Variants in CR1 observed in about 807,000 individuals in gnomAD.
CR1 encodes complement C3b/C4b receptor 1 (Knops blood group), also known as complement receptor type 1.
In CR1, 116 loss-of-function variants were observed where a neutral mutation model predicts 187.3. The ratio of observed to expected loss-of-function variants is 0.62; its 90% CI spans 0.53 to 0.72. The LOEUF is 0.72. Ranked by LOEUF, CR1 falls within the 30% of genes least tolerant of loss-of-function variation. The pLI is 0.00. For synonymous variants in CR1, 576 were observed against 747.1 expected (o/e 0.77, Z 3.73); for missense variants, 1,731 against 2,110.7 (o/e 0.82, Z 3.52).
At chr1:207,508,006 C>A (rs768576914) in intron 3 of CR1, among the ~76,000 whole-genome samples, 16 of 152,158 alleles carry the variant, frequency 1.1e-4, no homozygotes, top group South Asian at 4.1e-4. Context: ...AAATAGTGAA[C>A]CTTTTTTCAC....
chr1:207,609,337 A>G lies in CR1; in HGVS notation c.5944A>G (p.Ser1982Gly), dbSNP rs189863730. 428 of 1,614,006 alleles carry G rather than the reference A, an allele frequency of 2.7e-4. No individual in the cohort carries two copies. The Middle Eastern group carries it at 8.7e-3, about 33-fold the overall frequency. ...AACCATATCCAATGGAGACTTCTAC[A>G]GCAACAATAGAACATCTTTTCACAA... ...PPTISNGDFY[S>G]NNRTSFHNGT... The change falls in exon 37 of 47, where the codon AGC (serine) becomes GGC (glycine). Residue 1982 changes from serine to glycine, a missense_variant. By Grantham distance (56) the Ser-to-Gly change is moderately conservative (BLOSUM62 0). This residue lies in a region of CR1 where 1,312 missense variants were observed against 1,379.6 expected (regional missense o/e 0.95). Transcript: ENST00000367049.
chr1:207,556,678 T>TATATATATCA (rs1660356446), intron 19 of CR1, among the ~76,000 whole-genome samples: 1 of 64,330 alleles, frequency 1.6e-5, no homozygotes, highest in Non-Finnish European at 3.4e-5. Context: ...TATATATATA[T>TATATATATCA]ATCACAATGA....
chr1:207,621,653 A>G (rs1342540643), intron 43 of CR1, among the ~76,000 whole-genome samples: 4 of 152,230 alleles, frequency 2.6e-5, no homozygotes, highest in Non-Finnish European at 5.9e-5. Flanking sequence ...TAATTATGTG[A>G]AAACACACAT....
intron 46 of CR1, among the ~76,000 whole-genome samples, chr1:207,634,502 G>A (rs1254841425): frequency 6.6e-6 from 1 of 152,128 alleles, no homozygotes; most frequent in African/African-American, 2.4e-5. Context: ...CAAAGACATA[G>A]CTGTGTGTTG....
At chr1:207,597,389 GC>G (rs1661479430) in intron 35 of CR1, among the ~76,000 whole-genome samples, 1 of 152,050 alleles carries the variant, frequency 6.6e-6, no homozygotes, top group African/African-American at 2.4e-5. Flanking sequence ...AATCAAGGAG[GC>G]ACAAGACCTG....
chr1:207,622,616 C>T (rs1490011039), intron 44 of CR1, among the ~76,000 whole-genome samples: 2 of 152,136 alleles, frequency 1.3e-5, no homozygotes, highest in African/African-American at 4.8e-5. Flanking sequence ...ACAAAATGAC[C>T]TAAATATGTA....
At chr1:207,519,312 AAAT>A (rs1444610836) in intron 4 of CR1, among the ~76,000 whole-genome samples, 5 of 151,952 alleles carry the variant, frequency 3.3e-5, no homozygotes, top group Admixed American at 3.3e-4. Flanking sequence ...TAAAAATTAA[AAAT>A]AAATAAATTT....
chr1:207,615,232 C>T (rs1662058364), intron 40 of CR1, among the ~76,000 whole-genome samples: 1 of 152,114 alleles, frequency 6.6e-6, no homozygotes, highest in Non-Finnish European at 1.5e-5. Context: ...GTAGAAAAAG[C>T]AATGAATAGT....
chr1:207,587,925 A>C lies in CR1; in HGVS notation c.5710+360A>C, dbSNP rs188151322. On this transcript the variant is annotated intron_variant, in intron 34 of 46. Transcript: ENST00000367049. Reference sequence around the variant, plus strand: ...ATTTCATGAGAATGGCTCTCACAAAAGAATTAGAGAGAAAATTTACATTCA... The same window carrying C: ...ATTTCATGAGAATGGCTCTCACAAACGAATTAGAGAGAAAATTTACATTCA... Among the ~76,000 whole-genome samples, 24 of 152,342 alleles carry C rather than the reference A, an allele frequency of 1.6e-4. No homozygotes were observed. In the East Asian group the frequency reaches 2.1e-3, roughly 13 times the overall value.
chr1:207,594,370 G>A (rs145924649), intron 35 of CR1, among the ~76,000 whole-genome samples: 2,113 of 152,146 alleles, frequency 0.014, 35 homozygotes, highest in African/African-American at 0.048. Context: ...ACCAACCACC[G>A]CATGTTCTCA....
rs151110404 is a variant in CR1, at chr1:207,518,656, T to C, written c.488-4955T>C. Among the ~76,000 whole-genome samples, 788 of 152,300 alleles carry C rather than the reference T, an allele frequency of 5.2e-3. 6 individuals carry two copies. The highest frequency in any genetic ancestry group is 6.0e-3 in the Non-Finnish European group (406 of 68,028). ...CAGTGGCTGCTGGCAATCGTTGATGTTCCTTGGCTTGTAGATGCATCATTT... is the reference window on the plus strand; with the variant it reads ...CAGTGGCTGCTGGCAATCGTTGATGCTCCTTGGCTTGTAGATGCATCATTT... On this transcript the variant is annotated intron_variant, in intron 4 of 46. Transcript: ENST00000367049.
chr1:207,512,468 T>G (rs1427614741), intron 4 of CR1, among the ~76,000 whole-genome samples: 2 of 152,224 alleles, frequency 1.3e-5, no homozygotes, highest in Non-Finnish European at 2.9e-5. Flanking sequence ...TCTCACTTTA[T>G]TAAAAAATAA....
chr1:207,520,669 C>T (rs547276341), intron 4 of CR1, among the ~76,000 whole-genome samples: 24 of 152,274 alleles, frequency 1.6e-4, no homozygotes, highest in Admixed American at 1.4e-3. Context: ...AAAACATACC[C>T]GCATATGAGC....
chr1:207,518,359 T>C (rs2102299081), intron 4 of CR1, among the ~76,000 whole-genome samples: 1 of 152,302 alleles, frequency 6.6e-6, no homozygotes, highest in South Asian at 2.1e-4. Flanking sequence ...GTACAGTTAT[T>C]TTGCTTCATT....
intron 40 of CR1, among the ~76,000 whole-genome samples, chr1:207,615,985 G>A (rs1662081198): frequency 6.6e-6 from 1 of 152,088 alleles, no homozygotes; most frequent in Non-Finnish European, 1.5e-5. Context: ...CTAAAAGGAG[G>A]AAGAAATGGT....
intron 35 of CR1, among the ~76,000 whole-genome samples, chr1:207,592,348 T>C (rs956890163): frequency 6.6e-6 from 1 of 152,208 alleles, no homozygotes; most frequent in African/African-American, 2.4e-5. Context: ...AAAAACCACA[T>C]GATTATCTCA....
intron 45 of CR1, among the ~76,000 whole-genome samples, chr1:207,628,923 A>ACAGAC (rs1438020343): frequency 2.6e-5 from 4 of 152,128 alleles, no homozygotes; most frequent in Admixed American, 2.6e-4. Context: ...ATCTTTCCAT[A>ACAGAC]TTGAGATTTC....
chr1:207,608,510 A>C (rs765968261), intron 36 of CR1, among the ~76,000 whole-genome samples: 2 of 152,134 alleles, frequency 1.3e-5, no homozygotes, highest in Non-Finnish European at 2.9e-5. Flanking sequence ...GTAGTCACTA[A>C]TATTCTTCCC....
At chr1:207,607,216 T>C in intron 35 of CR1, 35 bp from the exon 36 acceptor site, 1 of 1,470,714 alleles carries the variant, frequency 6.8e-7, no homozygotes, top group Non-Finnish European at 9.5e-7. Flanking sequence ...GGGAAATATG[T>C]GTAGCGTATA....
Sources: allele counts gnomAD v4.1 joint callset (sites outside exome capture counted in the v4.1 genomes callset), GRCh38; gene constraint gnomAD v4.1.1; regional missense constraint gnomAD v4.1.1; transcripts MANE v1.5; gene names NCBI Gene and HGNC (gene_info 2026-07-23, HGNC 2026-07-21).